Variants in VRK2 observed in about 807,000 individuals in gnomAD.
VRK2 encodes VRK serine/threonine kinase 2.
Under a neutral mutation model 57.6 loss-of-function variants are expected in VRK2, and 60 were observed. The ratio of observed to expected loss-of-function variants is 1.04; its 90% CI spans 0.85 to 1.29. The LOEUF (loss-of-function observed/expected upper bound fraction) is 1.29. VRK2 is among the 50% of genes most tolerant of loss of function. VRK2 has a pLI of 0.00. For missense variants in VRK2, 705 were observed against 588.1 expected, an observed-to-expected ratio of 1.20 and a Z score of -2.06; for synonymous variants, 231 against 199.2, an observed-to-expected ratio of 1.16 and a Z score of -1.35.
At chr2:58,085,930 C>CTTTTTTTTTTTTTTTTTTTTT (rs59333442) in intron 4 of VRK2, among the ~76,000 whole-genome samples, 1 of 116,872 alleles carries the variant, frequency 8.6e-6, no homozygotes, top group Non-Finnish European at 1.9e-5. Context: ...CTTTTTTTTT[C>CTTTTTTTTTTTTTTTTTTTTT]TTTTTTTTTT....
At chr2:57,977,544 G>A (rs1157860982) in intron 1 of VRK2, among the ~76,000 whole-genome samples, 5 of 144,978 alleles carry the variant, frequency 3.4e-5, no homozygotes, top group Non-Finnish European at 7.4e-5. Context: ...ATACAGAAAT[G>A]CTACCGATTT....
intron 1 of VRK2, among the ~76,000 whole-genome samples, chr2:57,933,003 T>G (rs2678885): frequency 0.3 from 45,279 of 152,060 alleles, 7,990 homozygotes; most frequent in East Asian, 0.42. Flanking sequence ...TGTTATTGAT[T>G]TCTAGTTTTG....
intron 7 of VRK2, among the ~76,000 whole-genome samples, chr2:58,117,513 C>T (rs917660671): frequency 2.0e-5 from 3 of 151,946 alleles, no homozygotes; most frequent in African/African-American, 4.8e-5. Flanking sequence ...GACTCAGCGA[C>T]GCTTGGGGTT....
intron 1 of VRK2, among the ~76,000 whole-genome samples, chr2:58,002,982 G>T (rs1374409689): frequency 6.6e-6 from 1 of 152,162 alleles, no homozygotes; most frequent in African/African-American, 2.4e-5. Flanking sequence ...AATAGTGTTG[G>T]AAGTTAAATT....
At chr2:58,087,374 T>C (rs898734734) in intron 5 of VRK2, among the ~76,000 whole-genome samples, 2 of 152,170 alleles carry the variant, frequency 1.3e-5, no homozygotes, top group Non-Finnish European at 2.9e-5. Context: ...CCATATCATG[T>C]CATATGTAGC....
intron 1 of VRK2, among the ~76,000 whole-genome samples, chr2:57,977,653 T>C (rs1672292904): frequency 6.6e-6 from 1 of 151,292 alleles, no homozygotes; most frequent in Non-Finnish European, 1.5e-5. Context: ...TAGACTGATA[T>C]CATCTGCAAA....
At chr2:58,085,624 A>G (rs1427932587) in intron 4 of VRK2, among the ~76,000 whole-genome samples, 1 of 152,012 alleles carries the variant, frequency 6.6e-6, no homozygotes, top group Non-Finnish European at 1.5e-5. Flanking sequence ...TTTAAGAATA[A>G]GAGTGATGGG....
intron 7 of VRK2, among the ~76,000 whole-genome samples, chr2:58,107,152 T>C (rs1573137758): frequency 7.7e-6 from 1 of 129,686 alleles, no homozygotes; most frequent in South Asian, 2.8e-4. Context: ...TTTTGCCTTA[T>C]GGTATCTTGT....
chr2:58,136,547 G>C (rs1362185893), intron 10 of VRK2, among the ~76,000 whole-genome samples: 2 of 151,700 alleles, frequency 1.3e-5, no homozygotes. Context: ...ACGATGCCCA[G>C]CTACTTTTTG....
upstream of VRK2, among the ~76,000 whole-genome samples, chr2:58,041,742 A>G (rs1187923676): frequency 6.6e-6 from 1 of 152,174 alleles, no homozygotes; most frequent in Non-Finnish European, 1.5e-5. Flanking sequence ...GATAAGAAAC[A>G]TTTAAAGTCT....
At chr2:58,091,634 G>A (rs1004987426) in intron 7 of VRK2, among the ~76,000 whole-genome samples, 7 of 151,836 alleles carry the variant, frequency 4.6e-5, no homozygotes, top group African/African-American at 1.7e-4. Context: ...CAAAATGAAA[G>A]GTGAATGAGA....
chr2:58,076,513 A>G (rs577045579), intron 2 of VRK2, among the ~76,000 whole-genome samples: 1 of 152,184 alleles, frequency 6.6e-6, no homozygotes, highest in Admixed American at 6.6e-5. Flanking sequence ...ATTGTAAAGT[A>G]GAAAAACCCT....
chr2:57,939,225 C>T (rs957405532), intron 1 of VRK2, among the ~76,000 whole-genome samples: 1 of 152,100 alleles, frequency 6.6e-6, no homozygotes, highest in African/African-American at 2.4e-5. Context: ...CCATTTTGTG[C>T]CTTTTATTAT....
At chr2:57,962,202 A>T (rs1671782937) in intron 1 of VRK2, among the ~76,000 whole-genome samples, 1 of 152,194 alleles carries the variant, frequency 6.6e-6, no homozygotes, top group Non-Finnish European at 1.5e-5. Flanking sequence ...TTAATTAGTC[A>T]ACCCTCTTCA....
At chr2:58,041,983 C>T (rs1003737070), upstream of VRK2, among the ~76,000 whole-genome samples, 8 of 151,970 alleles carry the variant, frequency 5.3e-5, no homozygotes, top group African/African-American at 1.5e-4. Flanking sequence ...TATCGATTGA[C>T]GTCTTCTGTC....
At chr2:58,056,364 G>A (rs1421695002) in intron 2 of VRK2, among the ~76,000 whole-genome samples, 1 of 152,164 alleles carries the variant, frequency 6.6e-6, no homozygotes, top group Non-Finnish European at 1.5e-5. Context: ...TAACTGCCAA[G>A]TAAAACTGGC....
chr2:58,093,108 G>C lies in VRK2; in HGVS notation c.543+3385G>C, dbSNP rs1303491386. Among the ~76,000 whole-genome samples the C allele has an allele frequency of 9.2e-5, 14 of 152,328 alleles. 1 individual carries two copies. The highest frequency in any genetic ancestry group is 9.2e-4 in the Admixed American group (14 of 15,298). ...TTACAAGTCTTTGCTATTGTGAATAGTGCTGCAATAAACATACATGTGCAT... is the reference window on the plus strand; with the variant it reads ...TTACAAGTCTTTGCTATTGTGAATACTGCTGCAATAAACATACATGTGCAT... On this transcript the variant is annotated intron_variant, in intron 7 of 12. Transcript: ENST00000340157.
upstream of VRK2, among the ~76,000 whole-genome samples, chr2:58,044,868 C>T (rs1298325769): frequency 6.6e-6 from 1 of 152,102 alleles, no homozygotes; most frequent in Non-Finnish European, 1.5e-5. Flanking sequence ...GGCAAAATTT[C>T]GTCATGTTGG....
intron 2 of VRK2, among the ~76,000 whole-genome samples, chr2:58,054,523 G>C (rs1315614464): frequency 6.6e-6 from 1 of 151,982 alleles, no homozygotes; most frequent in African/African-American, 2.4e-5. Context: ...AATATGGATA[G>C]ACTTCTGCTT....
Sources: allele counts gnomAD v4.1 joint callset (sites outside exome capture counted in the v4.1 genomes callset), GRCh38; gene constraint gnomAD v4.1.1; transcripts MANE v1.5; gene names NCBI Gene and HGNC (gene_info 2026-07-23, HGNC 2026-07-21).